The following CFAP54 variants were observed in gnomAD, a reference collection of about 807,000 sequenced individuals.
CFAP54 encodes cilia and flagella associated protein 54, also known as cilia- and flagella-associated protein 54.
CFAP54 carries 290 observed loss-of-function variants against 370.4 expected under a neutral mutation model. That is an observed-to-expected ratio of 0.78 (90% confidence interval 0.71 to 0.86). The LOEUF (loss-of-function observed/expected upper bound fraction) is 0.86, where lower values mean the gene tolerates loss of function less well. Ranked by LOEUF, CFAP54 falls within the 40% of genes least tolerant of loss-of-function variation. CFAP54 has a pLI of 0.00. For missense variants in CFAP54, 3,399 were observed against 3,528.7 expected (o/e 0.96, Z 0.93); for synonymous variants, 1,206 against 1,236.5 (o/e 0.98, Z 0.52).
At chr12:96,760,337 T>A (rs1367103958) in intron 58 of CFAP54, among the ~76,000 whole-genome samples, 2 of 152,062 alleles carry the variant, frequency 1.3e-5, no homozygotes, top group East Asian at 3.9e-4. Context: ...AGTCCACAGA[T>A]GTTTAGTAAA....
chr12:96,782,952 G>A (rs1958594763), intron 60 of CFAP54, among the ~76,000 whole-genome samples: 1 of 152,108 alleles, frequency 6.6e-6, no homozygotes. Context: ...TATATAAATT[G>A]TGGTATATTC....
At chr12:96,790,376 A>G (rs1323684300) in intron 62 of CFAP54, among the ~76,000 whole-genome samples, 1 of 152,160 alleles carries the variant, frequency 6.6e-6, no homozygotes, top group African/African-American at 2.4e-5. Context: ...TCAGTGTATA[A>G]TTCATCAATT....
At chr12:96,624,814 C>T (rs1043008197) in intron 28 of CFAP54, among the ~76,000 whole-genome samples, 4 of 152,092 alleles carry the variant, frequency 2.6e-5, no homozygotes, top group African/African-American at 9.7e-5. Flanking sequence ...TAATATGTTC[C>T]ATGCCTGTTT....
At chr12:96,656,172 G>A (rs926635886) in intron 36 of CFAP54, among the ~76,000 whole-genome samples, 2 of 152,072 alleles carry the variant, frequency 1.3e-5, no homozygotes, top group African/African-American at 4.8e-5. Context: ...AAAAGAGTCT[G>A]GCCTTGGCTG....
chr12:96,611,173 C>A (rs567439581), intron 26 of CFAP54, among the ~76,000 whole-genome samples: 5 of 152,220 alleles, frequency 3.3e-5, no homozygotes, highest in African/African-American at 9.6e-5. Context: ...TGGCTGGGTA[C>A]CCCTCTGAGA....
intron 65 of CFAP54, among the ~76,000 whole-genome samples, chr12:96,825,301 T>G (rs1162187538): frequency 7.9e-6 from 1 of 126,134 alleles, no homozygotes; most frequent in South Asian, 2.2e-4. Context: ...TATAATATAT[T>G]ATATATATAA....
chr12:96,715,400 T>C (rs1167789762), intron 48 of CFAP54, among the ~76,000 whole-genome samples: 1 of 152,070 alleles, frequency 6.6e-6, no homozygotes, highest in Non-Finnish European at 1.5e-5. Context: ...CAAGGAAATT[T>C]AAGGTGTTTG....
intron 4 of CFAP54, among the ~76,000 whole-genome samples, chr12:96,512,339 A>ATATATATATATG (rs1955181444): frequency 2.2e-5 from 1 of 45,160 alleles, no homozygotes; most frequent in African/African-American, 9.1e-5. Flanking sequence ...ATATATATAT[A>ATATATATATATG]TATATATATA....
intron 19 of CFAP54, 124 bp from the exon 20 acceptor site, chr12:96,576,461 G>A (rs1955976951): frequency 2.9e-6 from 2 of 699,370 alleles, no homozygotes; most frequent in East Asian, 5.7e-5. Flanking sequence ...ATATATTTGA[G>A]CCTCTGAGGC....
chr12:96,682,931 G>A (rs1957288090), intron 40 of CFAP54, among the ~76,000 whole-genome samples: 2 of 152,086 alleles, frequency 1.3e-5, no homozygotes, highest in South Asian at 2.1e-4. Context: ...TGGAGATGAT[G>A]TTCTTTTTTT....
intron 48 of CFAP54, 88 bp from the exon 49 acceptor site, chr12:96,718,355 T>C (rs1592723372): frequency 1.4e-6 from 1 of 721,506 alleles, no homozygotes; most frequent in East Asian, 2.9e-5. Context: ...CCAGACCCTG[T>C]CTCAAAATAA....
In CFAP54 at chr12:96,784,626, T is replaced by C. The variant is rs1455394618; in HGVS notation, c.8282-91T>C. The C allele has an allele frequency of 3.0e-6, 3 of 987,272 alleles. No individual in the cohort carries two copies. In the Admixed American group the frequency reaches 9.9e-5, roughly 33 times the overall value. 61.2% of individuals were successfully genotyped at this position (987,272 alleles called of 1,614,324 possible). A position where few individuals can be genotyped will look rare whatever the true frequency, so the allele number is the denominator to read the frequency against. ...ATAGTATCATGTGTCAGCATTTCCTTTATGAGCTGTGCTTTTTTTCTGTTC... is the reference window on the plus strand; with the variant it reads ...ATAGTATCATGTGTCAGCATTTCCTCTATGAGCTGTGCTTTTTTTCTGTTC... On this transcript the variant is annotated intron_variant, in intron 60 of 67. Coordinates refer to ENST00000524981, the MANE Select transcript of CFAP54 (RefSeq NM_001306084.2).
chr12:96,630,735 T>C, intron 32 of CFAP54, 84 bp downstream of exon 32: 2 of 742,660 alleles, frequency 2.7e-6, no homozygotes, highest in South Asian at 6.4e-5. Context: ...AGGGATACAC[T>C]GGTGGACCAG....
chr12:96,644,180 A>G lies in CFAP54; in HGVS notation c.4319A>G (p.Asn1440Ser). Residue 1440 changes from asparagine to serine, a missense_variant and splice_region_variant, in exon 33 of 68, where the codon AAT becomes AGT. Around this residue, in one of 3 missense-constraint regions of CFAP54, gnomAD observed 2,796 missense variants for 2,869.7 expected, o/e 0.97. Transcript: ENST00000524981. ...AAAACTTCTTTCTCCCTTGGCAGAA[A>G]TAGGAGAACCAGTGTTAGGAAAGCA... is the stretch of plus-strand genomic sequence containing the variant. ...AISEMVAHER[N>S]RRTSVRKAAQ... The G allele has an allele frequency of 4.6e-6, 7 of 1,525,364 alleles. No individual in the cohort carries two copies. Among genetic ancestry groups the G allele is most frequent in the Non-Finnish European group, 5.3e-6 (6 of 1,139,980 alleles). 94.5% of individuals were successfully genotyped at this position (1,525,364 alleles called of 1,614,324 possible).
chr12:96,860,872 T>C lies in CFAP54; in HGVS notation c.9225T>C (p.Asp3075=), dbSNP rs1051556833. 5 of 1,534,434 alleles carry C rather than the reference T, an allele frequency of 3.3e-6. No homozygotes were observed. The East Asian group carries it at 1.2e-4, about 38-fold the overall frequency. Residue 3075 remains aspartate, a synonymous_variant, in exon 67 of 68, where the codon GAT becomes GAC. Coordinates refer to ENST00000524981, the MANE Select transcript of CFAP54 (RefSeq NM_001306084.2). ...PSIFNLERLF[D]LANGCILSGG... ...TATTCAATCTTGAGAGACTTTTTGA[T>C]CTGGCTAATGGTTGCATTTTATCAG...
At position 96,684,676 on chromosome 12, in the gene CFAP54, T is replaced by C. The variant is rs1316958300; in HGVS notation, c.5745T>C (p.Ser1915=). The change falls in exon 41 of 68, where the codon AGT becomes AGC. Residue 1915 remains serine (S), a synonymous_variant. Coordinates refer to ENST00000524981, the MANE Select transcript of CFAP54 (RefSeq NM_001306084.2). ...TTCTCCAAGCCAGCAATCAAAGAAG[T>C]CTTAAAGTTCAGGCGTTGCATTCAC... is the stretch of plus-strand genomic sequence containing the variant. ...QDVLQASNQR[S]LKVQALHSLG... The C allele has an allele frequency of 6.2e-7, 1 of 1,612,932 alleles. No homozygotes were observed. The highest frequency in any genetic ancestry group is 8.5e-7 in the Non-Finnish European group (1 of 1,179,634).
intron 19 of CFAP54, among the ~76,000 whole-genome samples, chr12:96,574,004 T>C (rs890930088): frequency 2.0e-5 from 3 of 152,248 alleles, no homozygotes; most frequent in Non-Finnish European, 2.9e-5. Context: ...TTAATGATTT[T>C]AGACCTTAAT....
At position 96,538,446 on chromosome 12, in the gene CFAP54, A is replaced by G; in HGVS notation, c.1854A>G (p.Lys618=). 3 of 1,536,062 alleles carry G rather than the reference A, an allele frequency of 2.0e-6. No homozygotes were observed. The highest frequency in any genetic ancestry group is 2.6e-6 in the Non-Finnish European group (3 of 1,146,796). Reference sequence around the variant, plus strand: ...TAATGTTCCTATGGCAGAAATGCAAATTAGGAATTCAGCGGCTCAATATAT... The same window carrying G: ...TAATGTTCCTATGGCAGAAATGCAAGTTAGGAATTCAGCGGCTCAATATAT... ...DTIMFLWQKC[K]LGIQRLNISR... is the part of the protein sequence containing the mutation. The change falls in exon 13 of 68, where the codon AAA becomes AAG. Residue 618 remains lysine (K), a synonymous_variant. Coordinates refer to ENST00000524981, the MANE Select transcript of CFAP54 (RefSeq NM_001306084.2).
rs370345709 is a variant in CFAP54, at chr12:96,684,630, A to G, written c.5717-18A>G. ...TCTAGGAACTGACATTTGTTCTTTT[A>G]CTTGATTAAAAATATAGATGTTCTC... On this transcript the variant is annotated intron_variant, in intron 40 of 67. Coordinates refer to ENST00000524981, the MANE Select transcript of CFAP54 (RefSeq NM_001306084.2). The G allele has an allele frequency of 4.4e-6, 7 of 1,578,040 alleles. No homozygotes were observed. In the African/African-American group the frequency reaches 9.6e-5, roughly 22 times the overall value.
Sources: allele counts gnomAD v4.1 joint callset (sites outside exome capture counted in the v4.1 genomes callset), GRCh38; gene constraint gnomAD v4.1.1; regional missense constraint gnomAD v4.1.1; transcripts MANE v1.5; gene names NCBI Gene and HGNC (gene_info 2026-07-23, HGNC 2026-07-21).